Variants in ARL10 observed in about 807,000 individuals in gnomAD.
ARL10 encodes the protein ARF like GTPase 10, also known as ADP-ribosylation factor-like protein 10.
Under a neutral mutation model 26.1 loss-of-function variants are expected in ARL10, and 23 were observed. The observed-to-expected ratio is 0.88, with a 90% CI of 0.63 to 1.25. The LOEUF is 1.25. ARL10 is among the 50% of genes most tolerant of loss of function. ARL10 has a pLI of 0.00. For missense variants in ARL10, 300 were observed against 323.6 expected, an observed-to-expected ratio of 0.93 and a Z score of 0.56; for synonymous variants, 138 against 149.1, an observed-to-expected ratio of 0.93 and a Z score of 0.54.
chr5:176,401,814 A>G (rs1245578743), exon 2 of ARL10: 6 of 454,674 alleles, frequency 1.3e-5, no homozygotes, highest in Non-Finnish European at 2.7e-5. Flanking sequence ...TTCGTCCTTG[A>G]TTTCTCCTTC....
chr5:176,368,253 C>G lies in ARL10; in HGVS notation c.386-554C>G, dbSNP rs952699993. Among the ~76,000 whole-genome samples, 15 of 152,090 alleles carry G rather than the reference C, an allele frequency of 9.9e-5. No individual in the cohort carries two copies. Among genetic ancestry groups the G allele is most frequent in the African/African-American group, 3.4e-4 (14 of 41,396 alleles). On this transcript the variant is annotated intron_variant, in intron 2 of 3. Transcript: ENST00000310389. The surrounding 1 kb of genome is among the most constrained non-coding windows in gnomAD (Gnocchi z 4.1). ...AGGGAAAAGAAGGGGATGGGGGAAA[C>G]TGAATGGAGAATGGCTGTGTATAGG...
At chr5:176,407,278 A>C in the ARL10 span, among the ~76,000 whole-genome samples, 1 of 152,130 alleles carries the variant, frequency 6.6e-6, no homozygotes, top group Non-Finnish European at 1.5e-5. Context: ...AATCTTTAGG[A>C]AAGGTAAATG....
chr5:176,396,571 A>G (rs1293141944), intron 1 of ARL10: 2 of 1,514,898 alleles, frequency 1.3e-6, no homozygotes, highest in Admixed American at 1.7e-5. Context: ...AGGTGGGGGA[A>G]GGCAGATGGC....
chr5:176,385,975 CAT>C (rs1755815899), downstream of ARL10: 1 of 152,620 alleles, frequency 6.6e-6, no homozygotes, highest in Non-Finnish European at 1.5e-5. Flanking sequence ...GTTAGGTCCT[CAT>C]ATTGTATATA....
downstream of ARL10, among the ~76,000 whole-genome samples, chr5:176,382,429 G>A (rs945481778): frequency 1.3e-5 from 2 of 152,172 alleles, no homozygotes; most frequent in South Asian, 2.1e-4. Flanking sequence ...GGAGGCTGTG[G>A]ACCTGAGGGA....
At chr5:176,410,369 A>G in the ARL10 span, 1 of 1,437,696 alleles carries the variant, frequency 7.0e-7, no homozygotes, top group Non-Finnish European at 9.7e-7. Context: ...AAATGGTCCT[A>G]CATTAGCCCC....
At chr5:176,395,363 C>T (rs1756468902) in intron 1 of ARL10, among the ~76,000 whole-genome samples, 1 of 152,178 alleles carries the variant, frequency 6.6e-6, no homozygotes, top group Admixed American at 6.5e-5. Context: ...AGACCATGAG[C>T]ACGGTGAGGG....
At chr5:176,406,700 G>C (rs1392619343), downstream of ARL10, 2 of 1,286,532 alleles carry the variant, frequency 1.6e-6, no homozygotes, top group Non-Finnish European at 2.0e-6. Flanking sequence ...CCCGCTGGTG[G>C]TGCACGGGCT....
chr5:176,399,490 C>T (rs1448575923), intron 1 of ARL10, among the ~76,000 whole-genome samples: 6 of 152,174 alleles, frequency 3.9e-5, no homozygotes, highest in African/African-American at 1.4e-4. Flanking sequence ...GCCTATAATC[C>T]CAGCACTTCG....
rs1417503707 is a variant in ARL10, at chr5:176,374,743, G to GTC, written c.*2848_*2849insTC. 2.6e-5 allele frequency: 4 copies of GTC among 152,324 alleles called. No individual in the cohort carries two copies. The highest frequency in any genetic ancestry group is 5.9e-5 in the Non-Finnish European group (4 of 68,032). 9.4% of individuals were successfully genotyped at this position (152,324 alleles called of 1,614,324 possible). Reference sequence around the variant, plus strand: ...TGGTAACACAAGTCATGGTGATTGGGATACCCACTAAAAGAAACATGAAGA... The same window carrying GTC: ...TGGTAACACAAGTCATGGTGATTGGGTCATACCCACTAAAAGAAACATGAAGA... On this transcript the variant is annotated 3_prime_UTR_variant, in exon 4 of 4. Coordinates refer to ENST00000310389, the MANE Select transcript of ARL10 (RefSeq NM_173664.6).
chr5:176,391,753 G>A (rs143222606), downstream of ARL10, among the ~76,000 whole-genome samples: 27 of 152,358 alleles, frequency 1.8e-4, no homozygotes, highest in African/African-American at 6.0e-4. Flanking sequence ...GAAGCCAGAA[G>A]CAGGTGGAAC....
chr5:176,371,284 A>G (rs1238811441), intron 3 of ARL10, among the ~76,000 whole-genome samples: 4 of 152,234 alleles, frequency 2.6e-5, no homozygotes, highest in African/African-American at 4.8e-5. Context: ...CTGAAGCAGG[A>G]GAATCGCTTC....
At position 176,368,738 on chromosome 5, in the gene ARL10, T is replaced by C. The variant is rs528118779; in HGVS notation, c.386-69T>C. 1.0e-6 allele frequency: 1 copy of C among 989,890 alleles called. No homozygotes were observed. Among genetic ancestry groups the C allele is most frequent in the African/African-American group, 4.2e-5 (1 of 24,042 alleles). 61.3% of individuals were successfully genotyped at this position (989,890 alleles called of 1,614,324 possible). On this transcript the variant is annotated intron_variant, in intron 2 of 3. Transcript: ENST00000310389. This position sits in a 1 kb window ranked among gnomAD's most constrained non-coding sequence, Gnocchi z 4.1. ...GTGGGCAGTGAGCGGGGGCCCGGGG[T>C]GGGGTGGGGGCTGTGGGCAGTGAGC...
rs1251554943 is a variant in ARL10 at position 176,375,562 on chromosome 5, T to C, written c.*3667T>C. On this transcript the variant is annotated 3_prime_UTR_variant, in exon 4 of 4. Transcript: ENST00000310389. ...ATTCATTTTAGTCTTTGACCTCTGATTATGGGGACTTTCAGGGAAAGCTGT... is the reference window on the plus strand; with the variant it reads ...ATTCATTTTAGTCTTTGACCTCTGACTATGGGGACTTTCAGGGAAAGCTGT... The C allele has an allele frequency of 6.6e-6, 1 of 152,148 alleles. No individual in the cohort carries two copies. Among genetic ancestry groups the C allele is most frequent in the Non-Finnish European group, 1.5e-5 (1 of 68,018 alleles). 9.4% of individuals were successfully genotyped at this position (152,148 alleles called of 1,614,324 possible).
chr5:176,390,284 G>T (rs1181634189), downstream of ARL10, among the ~76,000 whole-genome samples: 1 of 151,826 alleles, frequency 6.6e-6, no homozygotes, highest in Non-Finnish European at 1.5e-5. Flanking sequence ...CTAGCCAGCA[G>T]TTTTTCAGAC....
downstream of ARL10, chr5:176,406,227 G>C (rs1279311595): frequency 7.0e-6 from 7 of 1,006,734 alleles, no homozygotes; most frequent in African/African-American, 7.0e-5. Context: ...CCAGCGGCTA[G>C]AGCAATGTTC....
chr5:176,403,384 C>A (rs1756930324), downstream of ARL10, among the ~76,000 whole-genome samples: 1 of 151,782 alleles, frequency 6.6e-6, no homozygotes, highest in Admixed American at 6.6e-5. Context: ...AGAGAACTTG[C>A]ATTTAAAGGG....
chr5:176,369,007 G>C (rs772676232), intron 3 of ARL10, 25 bp downstream of exon 3: 1 of 1,611,766 alleles, frequency 6.2e-7, no homozygotes, highest in Non-Finnish European at 8.5e-7. Context: ...AGGGCAGCTC[G>C]GTCCAGGTGA....
intron 1 of ARL10, among the ~76,000 whole-genome samples, chr5:176,394,656 A>T (rs1756427267): frequency 6.7e-6 from 1 of 148,904 alleles, no homozygotes. Context: ...CTACTAAAAA[A>T]TACACAAAAT....
Sources: allele counts gnomAD v4.1 joint callset (sites outside exome capture counted in the v4.1 genomes callset), GRCh38; gene constraint gnomAD v4.1.1; non-coding constraint Gnocchi (gnomAD v3.1); transcripts MANE v1.5; gene names NCBI Gene and HGNC (gene_info 2026-07-23, HGNC 2026-07-21).